The following LDLRAD4 variants were observed in gnomAD, a reference collection of about 807,000 sequenced individuals.
LDLRAD4 encodes the protein low-density lipoprotein receptor class A domain-containing protein 4.
In LDLRAD4, 5 loss-of-function variants were observed where a neutral mutation model predicts 17.0. The ratio of observed to expected loss-of-function variants is 0.29; its 90% CI spans 0.15 to 0.62. The LOEUF is 0.62. Ranked by LOEUF, LDLRAD4 falls within the 20% of genes least tolerant of loss-of-function variation. The pLI is 0.84. For synonymous variants in LDLRAD4, 168 were observed against 171.8 expected (o/e 0.98, Z 0.17); for missense variants, 340 against 424.7 (o/e 0.80, Z 1.75).
intron 1 of LDLRAD4, among the ~76,000 whole-genome samples, chr18:13,364,736 C>T (rs1383128508): frequency 6.6e-6 from 1 of 152,152 alleles, no homozygotes; most frequent in Non-Finnish European, 1.5e-5. Context: ...TTCTGTATTT[C>T]CTGCATACCT....
intron 3 of LDLRAD4, among the ~76,000 whole-genome samples, chr18:13,594,042 A>G (rs2095061235): frequency 1.3e-5 from 2 of 152,116 alleles, no homozygotes; most frequent in Non-Finnish European, 2.9e-5. Context: ...TAATATTTGC[A>G]TATATTCATA....
At chr18:13,504,075 C>T (rs1278003324) in intron 3 of LDLRAD4, among the ~76,000 whole-genome samples, 3 of 152,146 alleles carry the variant, frequency 2.0e-5, no homozygotes, top group Admixed American at 6.5e-5. Context: ...GAGAGGCTCA[C>T]GCAGGTCACA....
chr18:13,595,603 C>T (rs970724437), intron 3 of LDLRAD4, among the ~76,000 whole-genome samples: 1 of 152,152 alleles, frequency 6.6e-6, no homozygotes, highest in African/African-American at 2.4e-5. Flanking sequence ...CCCACCTTGG[C>T]CCCCTAAAGT....
intron 3 of LDLRAD4, among the ~76,000 whole-genome samples, chr18:13,535,076 C>G (rs550022514): frequency 3.3e-5 from 5 of 152,266 alleles, no homozygotes; most frequent in African/African-American, 9.6e-5. Context: ...ATCCACTCAT[C>G]CATTGACGGA....
chr18:13,313,783 T>C (rs909407753), intron 1 of LDLRAD4, among the ~76,000 whole-genome samples: 12 of 152,058 alleles, frequency 7.9e-5, no homozygotes, highest in Admixed American at 3.9e-4. Context: ...CTGCAAAACA[T>C]GTACCTGTGC....
At chr18:13,380,055 G>A (rs2085234869) in intron 1 of LDLRAD4, among the ~76,000 whole-genome samples, 1 of 151,724 alleles carries the variant, frequency 6.6e-6, no homozygotes. Flanking sequence ...AACCTCTACG[G>A]GGGTGGGGCT....
chr18:13,514,407 A>C (rs943051883), intron 3 of LDLRAD4: 1 of 152,220 alleles, frequency 6.6e-6, no homozygotes, highest in Non-Finnish European at 1.5e-5. Flanking sequence ...TCCATTTATA[A>C]AGCTTCCTTC....
intron 1 of LDLRAD4, among the ~76,000 whole-genome samples, chr18:13,268,627 G>A (rs2044355435): frequency 6.6e-6 from 1 of 152,174 alleles, no homozygotes; most frequent in South Asian, 2.1e-4. Flanking sequence ...AAAGGCTAAA[G>A]TAATGGGCAG....
chr18:13,501,240 A>C (rs1374384015), intron 3 of LDLRAD4: 1 of 149,710 alleles, frequency 6.7e-6, no homozygotes, highest in Non-Finnish European at 1.5e-5. Flanking sequence ...GCTGAGTATT[A>C]ATATTAATGA....
intron 1 of LDLRAD4, among the ~76,000 whole-genome samples, chr18:13,248,604 T>G (rs2145791862): frequency 6.6e-6 from 1 of 152,342 alleles, no homozygotes. Flanking sequence ...CTGCTTGTGG[T>G]TATTTACATT....
At chr18:13,268,663 C>G (rs952514555) in intron 1 of LDLRAD4, among the ~76,000 whole-genome samples, 6 of 152,158 alleles carry the variant, frequency 3.9e-5, no homozygotes, top group African/African-American at 1.4e-4. Context: ...TGTTTAGAAG[C>G]TATGCAGTAT....
intron 1 of LDLRAD4, among the ~76,000 whole-genome samples, chr18:13,310,029 C>T (rs1033978650): frequency 6.6e-6 from 1 of 152,048 alleles, no homozygotes; most frequent in African/African-American, 2.4e-5. Flanking sequence ...TGGCTTTGTC[C>T]ACTTCTTTCC....
At chr18:13,641,166 C>T (rs546149284) in intron 4 of LDLRAD4, among the ~76,000 whole-genome samples, 2 of 152,206 alleles carry the variant, frequency 1.3e-5, no homozygotes, top group East Asian at 3.9e-4. Flanking sequence ...GAGGAGAGTC[C>T]TTTAGCTGGG....
intron 3 of LDLRAD4, among the ~76,000 whole-genome samples, chr18:13,518,647 G>GGAAAAA (rs1161727258): frequency 6.6e-6 from 1 of 152,144 alleles, no homozygotes; most frequent in East Asian, 1.9e-4. Context: ...GTACATCTAT[G>GGAAAAA]GAAACTCTTG....
chr18:13,361,792 G>C (rs993790596), intron 1 of LDLRAD4, among the ~76,000 whole-genome samples: 1 of 152,166 alleles, frequency 6.6e-6, no homozygotes, highest in African/African-American at 2.4e-5. Context: ...ATCCTAGCAT[G>C]ATGTCAGCTG....
intron 1 of LDLRAD4, among the ~76,000 whole-genome samples, chr18:13,245,024 A>G (rs1163953993): frequency 2.0e-5 from 3 of 152,072 alleles, no homozygotes; most frequent in Non-Finnish European, 4.4e-5. Context: ...GTTCCTGGGG[A>G]GCATGTCATC....
At chr18:13,467,934 G>A (rs1049367870) in intron 3 of LDLRAD4, among the ~76,000 whole-genome samples, 1 of 152,178 alleles carries the variant, frequency 6.6e-6, no homozygotes, top group Non-Finnish European at 1.5e-5. Context: ...CTGGGTTCCT[G>A]CATCAAAAGA....
intron 4 of LDLRAD4, among the ~76,000 whole-genome samples, chr18:13,628,705 T>C (rs557670991): frequency 1.3e-5 from 2 of 152,334 alleles, no homozygotes; most frequent in East Asian, 3.9e-4. Flanking sequence ...TGCACGCAGA[T>C]TCCCACCTGA....
intron 1 of LDLRAD4, among the ~76,000 whole-genome samples, chr18:13,220,414 G>T (rs1210917363): frequency 6.6e-6 from 1 of 152,150 alleles, no homozygotes; most frequent in Non-Finnish European, 1.5e-5. Context: ...TTCCCGGCAG[G>T]TTTTTAGGGC....
Sources: gnomAD v4.1 joint callset for allele counts (sites outside exome capture counted in the v4.1 genomes callset) on GRCh38, gnomAD v4.1.1 for gene constraint, MANE v1.5 for transcripts, NCBI Gene and HGNC (gene_info 2026-07-23, HGNC 2026-07-21) for gene names.